The following SLC25A21 variants were observed in gnomAD, a reference collection of about 807,000 sequenced individuals.
The protein encoded by SLC25A21 is solute carrier family 25 member 21.
Under a neutral mutation model 43.8 loss-of-function variants are expected in SLC25A21, and 47 were observed. The observed-to-expected ratio is 1.07, with a 90% CI of 0.85 to 1.37. SLC25A21 has a LOEUF of 1.37. Ranked by LOEUF, SLC25A21 falls within the 40% of genes most tolerant of loss-of-function variation. The pLI is 0.00. For synonymous variants in SLC25A21, 131 were observed against 121.3 expected, an observed-to-expected ratio of 1.08 and a Z score of -0.52; for missense variants, 352 against 350.2, an observed-to-expected ratio of 1.00 and a Z score of -0.04.
chr14:36,706,785 C>T (rs1318951831), intron 7 of SLC25A21, among the ~76,000 whole-genome samples: 2 of 152,130 alleles, frequency 1.3e-5, no homozygotes, highest in African/African-American at 2.4e-5. Flanking sequence ...CTCCCTGTCT[C>T]CCCCATGGAC....
At chr14:36,853,945 T>G (rs937583320) in intron 2 of SLC25A21, among the ~76,000 whole-genome samples, 4 of 152,192 alleles carry the variant, frequency 2.6e-5, no homozygotes, top group African/African-American at 9.7e-5. Context: ...TCTTTTAAAC[T>G]ATAGAAACCA....
chr14:36,896,059 C>G (rs1482138502), intron 1 of SLC25A21, among the ~76,000 whole-genome samples: 2 of 152,168 alleles, frequency 1.3e-5, no homozygotes, highest in Admixed American at 1.3e-4. Context: ...ATTAGGTCTG[C>G]TTGATGCAGA....
chr14:36,948,522 T>G (rs868361355), intron 1 of SLC25A21, among the ~76,000 whole-genome samples: 1 of 152,102 alleles, frequency 6.6e-6, no homozygotes, highest in African/African-American at 2.4e-5. Context: ...TTGAAGATAA[T>G]GAAAGTAAAA....
chr14:37,144,784 G>GTT (rs11418098), intron 1 of SLC25A21, among the ~76,000 whole-genome samples: 1 of 151,422 alleles, frequency 6.6e-6, no homozygotes, highest in African/African-American at 2.4e-5. Context: ...GTTGTTTTGG[G>GTT]TTTTTTTTTT....
chr14:36,939,907 A>G (rs923847495), intron 1 of SLC25A21, among the ~76,000 whole-genome samples: 1 of 152,146 alleles, frequency 6.6e-6, no homozygotes, highest in Non-Finnish European at 1.5e-5. Context: ...CTGGTTTCTA[A>G]TTGTTTCACA....
chr14:36,680,795 C>T (rs1882210415), intron 9 of SLC25A21, 76 bp from the exon 10 acceptor site: 10 of 1,371,470 alleles, frequency 7.3e-6, no homozygotes, highest in South Asian at 3.7e-5. Flanking sequence ...TTTCTGAATC[C>T]ATGATGTCTC....
chr14:36,714,915 C>T (rs1440798956), intron 6 of SLC25A21, among the ~76,000 whole-genome samples: 2 of 152,192 alleles, frequency 1.3e-5, no homozygotes, highest in African/African-American at 4.8e-5. Context: ...GCCATCCTAA[C>T]ATATCTGATT....
chr14:36,837,808 C>G (rs1443775413), intron 2 of SLC25A21, among the ~76,000 whole-genome samples: 1 of 152,184 alleles, frequency 6.6e-6, no homozygotes. Context: ...CCCATGATCT[C>G]AGACTTTGCC....
At chr14:36,887,916 C>T (rs1465381475) in intron 1 of SLC25A21, among the ~76,000 whole-genome samples, 2 of 152,254 alleles carry the variant, frequency 1.3e-5, no homozygotes, top group East Asian at 1.9e-4. Context: ...ACAGATTGTG[C>T]TCCACCCTGC....
chr14:37,100,030 GTTTGTT>G (rs1566881478), intron 1 of SLC25A21, among the ~76,000 whole-genome samples: 8 of 71,034 alleles, frequency 1.1e-4, no homozygotes, highest in Non-Finnish European at 1.8e-4. Flanking sequence ...CCACCTCTAT[GTTTGTT>G]TGTTTGTTTG....
intron 1 of SLC25A21, among the ~76,000 whole-genome samples, chr14:36,953,524 T>C (rs1002909629): frequency 2.0e-5 from 3 of 151,508 alleles, no homozygotes; most frequent in African/African-American, 4.9e-5. Flanking sequence ...CCCTGCACAA[T>C]GTAGGTTAAC....
At chr14:37,052,903 G>A (rs1186911341) in intron 1 of SLC25A21, among the ~76,000 whole-genome samples, 1 of 152,148 alleles carries the variant, frequency 6.6e-6, no homozygotes, top group East Asian at 1.9e-4. Context: ...CTCCAAAAGT[G>A]TTAAGATTAC....
chr14:37,088,827 G>C (rs1401013524), intron 1 of SLC25A21, among the ~76,000 whole-genome samples: 1 of 152,134 alleles, frequency 6.6e-6, no homozygotes, highest in Admixed American at 6.6e-5. Context: ...CGACAGTAAG[G>C]CTTGTCCCTG....
chr14:37,111,711 A>G (rs1036442010), intron 1 of SLC25A21, among the ~76,000 whole-genome samples: 13 of 152,214 alleles, frequency 8.5e-5, no homozygotes, highest in Non-Finnish European at 1.9e-4. Flanking sequence ...CTGGTTCATC[A>G]TAATTCTATG....
chr14:37,041,438 T>G (rs1199090129), intron 1 of SLC25A21, among the ~76,000 whole-genome samples: 1 of 152,116 alleles, frequency 6.6e-6, no homozygotes, highest in Non-Finnish European at 1.5e-5. Flanking sequence ...AGGATCACTT[T>G]GAACCCAAGA....
At chr14:37,134,902 G>C (rs1182851827) in intron 1 of SLC25A21, among the ~76,000 whole-genome samples, 2 of 151,136 alleles carry the variant, frequency 1.3e-5, no homozygotes, top group Non-Finnish European at 2.9e-5. Context: ...AGACCAACCT[G>C]GGCAACATAG....
intron 1 of SLC25A21, among the ~76,000 whole-genome samples, chr14:37,066,533 A>T (rs1962064328): frequency 6.6e-6 from 1 of 152,128 alleles, no homozygotes; most frequent in Non-Finnish European, 1.5e-5. Context: ...TTTACCATGC[A>T]AAAAGTATTT....
At chr14:36,867,051 G>A (rs975412570) in intron 2 of SLC25A21, among the ~76,000 whole-genome samples, 1 of 152,026 alleles carries the variant, frequency 6.6e-6, no homozygotes, top group Non-Finnish European at 1.5e-5. Flanking sequence ...GGAGTCTGGG[G>A]TTTCACTTCC....
intron 3 of SLC25A21, among the ~76,000 whole-genome samples, chr14:36,746,338 C>A (rs1040772849): frequency 2.7e-5 from 4 of 150,866 alleles, no homozygotes; most frequent in Non-Finnish European, 5.9e-5. Flanking sequence ...AGTGGGATGA[C>A]TTAGAAACAG....
Sources: allele counts gnomAD v4.1 joint callset (sites outside exome capture counted in the v4.1 genomes callset), GRCh38; gene constraint gnomAD v4.1.1; transcripts MANE v1.5; gene names NCBI Gene and HGNC (gene_info 2026-07-23, HGNC 2026-07-21).